LEMD1: variants seen among roughly 807,000 people sequenced by gnomAD.
LEMD1 encodes LEM domain containing 1.
A neutral mutation model predicts 17.4 loss-of-function variants in LEMD1; 18 were observed. The ratio of observed to expected loss-of-function variants is 1.04; its 90% CI spans 0.72 to 1.54. The LOEUF (loss-of-function observed/expected upper bound fraction) is 1.54, where lower values mean the gene tolerates loss of function less well. LEMD1 is among the 40% of genes most tolerant of loss of function. The probability of loss-of-function intolerance (pLI) is 0.00; values close to 1 mark genes in which losing one functional copy is unlikely to be tolerated. For missense variants in LEMD1, 195 were observed against 210.4 expected, an observed-to-expected ratio of 0.93 and a Z score of 0.45; for synonymous variants, 88 against 77.8, an observed-to-expected ratio of 1.13 and a Z score of -0.69.
At chr1:205,406,776 C>G (rs531814648) in intron 4 of LEMD1, among the ~76,000 whole-genome samples, 30 of 152,304 alleles carry the variant, frequency 2.0e-4, no homozygotes, top group African/African-American at 7.2e-4. Flanking sequence ...GATGGAAATG[C>G]CGAAATCACA....
chr1:205,402,779 A>C (rs1664911355), intron 4 of LEMD1, among the ~76,000 whole-genome samples: 1 of 150,806 alleles, frequency 6.6e-6, no homozygotes, highest in African/African-American at 2.4e-5. Flanking sequence ...GTCTTGTGCC[A>C]GTTTTCAAAG....
At chr1:205,391,539 A>T (rs778644175) in intron 4 of LEMD1, among the ~76,000 whole-genome samples, 1 of 152,212 alleles carries the variant, frequency 6.6e-6, no homozygotes, top group African/African-American at 2.4e-5. Context: ...CAAACAGCCC[A>T]TCTCCGCCCC....
intron 4 of LEMD1, chr1:205,387,502 T>A (rs981448832): frequency 1.3e-5 from 2 of 152,204 alleles, no homozygotes; most frequent in African/African-American, 4.8e-5. Flanking sequence ...AATGCTGTTA[T>A]AATATGATTT....
chr1:205,412,981 G>C (rs960534991), intron 4 of LEMD1, among the ~76,000 whole-genome samples: 1 of 152,218 alleles, frequency 6.6e-6, no homozygotes, highest in African/African-American at 2.4e-5. Flanking sequence ...CCTTTAATGA[G>C]CTATTTGGAA....
intron 2 of LEMD1, 62 bp downstream of exon 2, chr1:205,420,393 T>C (rs1665904811): frequency 2.4e-6 from 3 of 1,253,928 alleles, no homozygotes; most frequent in Non-Finnish European, 3.5e-6. Flanking sequence ...GTTCCTTCTA[T>C]TGTAAGTTGT....
chr1:205,411,244 G>GGA (rs1665396746), intron 4 of LEMD1, among the ~76,000 whole-genome samples: 3 of 148,772 alleles, frequency 2.0e-5, no homozygotes, highest in African/African-American at 7.5e-5. Context: ...GGAGGGAAAG[G>GGA]AAGGAAGGAA....
chr1:205,426,003 C>A (rs1428366204), upstream of LEMD1, among the ~76,000 whole-genome samples: 1 of 152,170 alleles, frequency 6.6e-6, no homozygotes, highest in Non-Finnish European at 1.5e-5. Context: ...GGACACAGAG[C>A]AGCTCCACTC....
chr1:205,407,379 C>T (rs1302882213), intron 4 of LEMD1, among the ~76,000 whole-genome samples: 1 of 150,926 alleles, frequency 6.6e-6, no homozygotes, highest in African/African-American at 2.4e-5. Flanking sequence ...CACCCCCTGA[C>T]CTCCAGGTAG....
chr1:205,432,741 G>A (rs1666143844), intron 1 of LEMD1, among the ~76,000 whole-genome samples: 2 of 152,238 alleles, frequency 1.3e-5, no homozygotes. Context: ...AGGCACAGTG[G>A]CTCTTGCCTG....
chr1:205,446,395 T>C (rs111781559), intron 1 of LEMD1, among the ~76,000 whole-genome samples: 1 of 152,190 alleles, frequency 6.6e-6, no homozygotes, highest in African/African-American at 2.4e-5. Context: ...CCATCTTTTC[T>C]CCCAGTTCGT....
Position 205,448,207 on chromosome 1 carries a change from C to T in LEMD1, c.-39+1661G>A, listed in dbSNP as rs1224574719. On this transcript the variant is annotated intron_variant, in intron 1 of 3. Coordinates refer to the LEMD1 transcript ENST00000367154. This position sits in a 1 kb window ranked among gnomAD's most constrained non-coding sequence, Gnocchi z 4.7. ...GCCCCGATCCCAGGTTACCAGATCCCGTGATGCCCCACCCCCAAGCAAAGC... is the reference window on the plus strand; with the variant it reads ...GCCCCGATCCCAGGTTACCAGATCCTGTGATGCCCCACCCCCAAGCAAAGC... The T allele has an allele frequency of 8.8e-6, 4 of 455,476 alleles. No individual in the cohort carries two copies. Among genetic ancestry groups the T allele is most frequent in the South Asian group, 1.6e-5 (1 of 61,782 alleles). The allele number at this position is 455,476 out of a possible 1,614,324, so 28.2% of individuals were successfully genotyped here.
At chr1:205,429,203 C>T (rs1480711461) in intron 1 of LEMD1, among the ~76,000 whole-genome samples, 4 of 152,226 alleles carry the variant, frequency 2.6e-5, no homozygotes, top group African/African-American at 9.6e-5. Context: ...CACTTCTGGT[C>T]CAGTTTAATT....
At chr1:205,444,422 T>C (rs891604577) in intron 1 of LEMD1, among the ~76,000 whole-genome samples, 15 of 152,076 alleles carry the variant, frequency 9.9e-5, no homozygotes, top group African/African-American at 2.7e-4. Flanking sequence ...TGCCAATCCA[T>C]AGAGCATCCG....
chr1:205,395,701 A>G (rs961335766), intron 4 of LEMD1, among the ~76,000 whole-genome samples: 3 of 152,286 alleles, frequency 2.0e-5, no homozygotes, highest in Middle Eastern at 3.4e-3. Flanking sequence ...GTAAAAAGAC[A>G]AACCAAAACT....
intron 4 of LEMD1, among the ~76,000 whole-genome samples, chr1:205,413,262 T>C (rs934177857): frequency 6.6e-6 from 1 of 152,160 alleles, no homozygotes; most frequent in Non-Finnish European, 1.5e-5. Flanking sequence ...TAAATGAGGA[T>C]AAAATATCAT....
intron 4 of LEMD1, among the ~76,000 whole-genome samples, chr1:205,403,053 A>C (rs1664923775): frequency 6.6e-6 from 1 of 151,924 alleles, no homozygotes; most frequent in Non-Finnish European, 1.5e-5. Context: ...GATGAAGCCC[A>C]CTTGATCATG....
chr1:205,396,108 A>G (rs1202478422), intron 4 of LEMD1, among the ~76,000 whole-genome samples: 1 of 152,190 alleles, frequency 6.6e-6, no homozygotes, highest in Non-Finnish European at 1.5e-5. Flanking sequence ...CCCAGGCTCA[A>G]GCCATCCTCC....
intron 4 of LEMD1, among the ~76,000 whole-genome samples, chr1:205,405,411 C>A (rs1302478662): frequency 6.9e-6 from 1 of 145,500 alleles, no homozygotes; most frequent in Non-Finnish European, 1.5e-5. Flanking sequence ...TCTTTTTATT[C>A]TTTTTTCTCT....
chr1:205,398,615 G>A (rs377175940), intron 4 of LEMD1, among the ~76,000 whole-genome samples: 15 of 152,238 alleles, frequency 9.9e-5, no homozygotes, highest in African/African-American at 3.6e-4. Context: ...AAAAGAGGCA[G>A]AAGGGACATG....
Sources: gnomAD v4.1 joint callset for allele counts (sites outside exome capture counted in the v4.1 genomes callset) on GRCh38, gnomAD v4.1.1 for gene constraint, Gnocchi (gnomAD v3.1) non-coding constraint, MANE v1.5 for transcripts, NCBI Gene and HGNC (gene_info 2026-07-23, HGNC 2026-07-21) for gene names.